The following ADAMTS19 variants were observed in gnomAD, a reference collection of about 807,000 sequenced individuals.
The protein encoded by ADAMTS19 is A disintegrin and metalloproteinase with thrombospondin motifs 19.
A neutral mutation model predicts 153.3 loss-of-function variants in ADAMTS19; 93 were observed. The ratio of observed to expected loss-of-function variants is 0.61; its 90% CI spans 0.51 to 0.72. ADAMTS19 has a LOEUF of 0.72. Ranked by LOEUF, ADAMTS19 falls within the 30% of genes least tolerant of loss-of-function variation. The pLI, the probability that ADAMTS19 is intolerant of heterozygous loss-of-function variation, is 0.00. For synonymous variants in ADAMTS19, 600 were observed against 556.6 expected (o/e 1.08, Z -1.10); for missense variants, 1,482 against 1,552.1 (o/e 0.95, Z 0.76).
chr5:129,684,919 G>A lies in ADAMTS19; in HGVS notation c.2818+646G>A, dbSNP rs529815712. ...GGAGAATGGCATGAACCTGGGAGAC[G>A]GGGCTTGCAGTGAGCCAAGATCCTG... On this transcript the variant is annotated intron_variant, in intron 18 of 22. Coordinates refer to ENST00000274487, the MANE Select transcript of ADAMTS19 (RefSeq NM_133638.6). Among the ~76,000 whole-genome samples, 8 of 151,992 alleles carry A rather than the reference G, an allele frequency of 5.3e-5. 1 individual carries two copies. The South Asian group carries it at 8.3e-4, about 16-fold the overall frequency.
chr5:129,468,494 C>G (rs1351779111), intron 2 of ADAMTS19, among the ~76,000 whole-genome samples: 1 of 151,986 alleles, frequency 6.6e-6, no homozygotes, highest in Non-Finnish European at 1.5e-5. Flanking sequence ...GCTGGGACTA[C>G]AGGCGCGCAC....
chr5:129,641,154 A>G (rs1316988642), intron 10 of ADAMTS19, among the ~76,000 whole-genome samples: 3 of 152,168 alleles, frequency 2.0e-5, no homozygotes, highest in Non-Finnish European at 4.4e-5. Flanking sequence ...GCTGACCACA[A>G]TTATAGCTGT....
chr5:129,477,775 C>T (rs1232905131), intron 2 of ADAMTS19, among the ~76,000 whole-genome samples: 4 of 152,154 alleles, frequency 2.6e-5, no homozygotes, highest in Non-Finnish European at 5.9e-5. Flanking sequence ...TACATGTTCA[C>T]GTTCTGAACC....
intron 6 of ADAMTS19, among the ~76,000 whole-genome samples, chr5:129,543,267 G>C (rs1026519940): frequency 5.3e-5 from 8 of 151,792 alleles, no homozygotes; most frequent in African/African-American, 1.5e-4. Context: ...GGTCAGGCTG[G>C]TCTCGAACTC....
chr5:129,682,252 C>G (rs1372893642), intron 17 of ADAMTS19, among the ~76,000 whole-genome samples: 1 of 152,182 alleles, frequency 6.6e-6, no homozygotes, highest in East Asian at 1.9e-4. Context: ...AACTGCACTT[C>G]TAAGATATTT....
At chr5:129,637,727 C>T (rs555775622) in intron 10 of ADAMTS19, among the ~76,000 whole-genome samples, 2 of 152,212 alleles carry the variant, frequency 1.3e-5, no homozygotes. Context: ...TGCCTATGAT[C>T]CCAGCTACTT....
At chr5:129,603,256 T>C (rs1023537931) in intron 8 of ADAMTS19, among the ~76,000 whole-genome samples, 11 of 152,280 alleles carry the variant, frequency 7.2e-5, no homozygotes, top group African/African-American at 2.6e-4. Flanking sequence ...GGAAGTTGCG[T>C]GTGAGTTGCC....
At chr5:129,637,535 A>G (rs1351242840) in intron 10 of ADAMTS19, among the ~76,000 whole-genome samples, 2 of 152,126 alleles carry the variant, frequency 1.3e-5, no homozygotes, top group Non-Finnish European at 2.9e-5. Flanking sequence ...TCCTCAGCAA[A>G]CTAACACGGG....
At chr5:129,565,327 C>T (rs890354934) in intron 7 of ADAMTS19, among the ~76,000 whole-genome samples, 13 of 152,300 alleles carry the variant, frequency 8.5e-5, no homozygotes, top group Admixed American at 6.5e-4. Flanking sequence ...TGGTCTGGGT[C>T]TCAGATATAT....
intron 3 of ADAMTS19, among the ~76,000 whole-genome samples, chr5:129,511,789 C>T (rs776102750): frequency 6.6e-6 from 1 of 151,878 alleles, no homozygotes; most frequent in African/African-American, 2.4e-5. Flanking sequence ...GGGAAGTTTA[C>T]TTTCTCTCTC....
intron 15 of ADAMTS19, among the ~76,000 whole-genome samples, chr5:129,661,371 A>G (rs904516910): frequency 6.6e-5 from 10 of 152,230 alleles, no homozygotes; most frequent in African/African-American, 1.7e-4. Context: ...ATTCTGCATG[A>G]GTTATTAATT....
chr5:129,553,936 G>C (rs1449242546), intron 7 of ADAMTS19, among the ~76,000 whole-genome samples: 1 of 151,988 alleles, frequency 6.6e-6, no homozygotes. Context: ...ACCACTTGTG[G>C]TTCAAAAATA....
intron 5 of ADAMTS19, 107 bp from the exon 6 acceptor site, chr5:129,528,413 C>T: frequency 1.2e-6 from 1 of 816,558 alleles, no homozygotes. Flanking sequence ...TTATGGTCAG[C>T]AGTTTGCTTT....
Position 129,589,222 on chromosome 5 carries a change from T to A in ADAMTS19, c.1373-7337T>A, listed in dbSNP as rs1027990764. 8.6e-5 allele frequency among the ~76,000 whole-genome samples: 13 copies of A among 151,788 alleles called. No individual in the cohort carries two copies. The South Asian group carries it at 1.0e-3, about 12-fold the overall frequency. The stretch of plus-strand genomic sequence containing the variant: ...TATTATTACTATCACTGTTTTTTTT[T>A]AATTGAGAATGTTTATGAAGATTTT... On this transcript the variant is annotated intron_variant, in intron 7 of 22. Coordinates refer to ENST00000274487, the MANE Select transcript of ADAMTS19 (RefSeq NM_133638.6).
intron 21 of ADAMTS19, among the ~76,000 whole-genome samples, chr5:129,720,581 G>A (rs1441651085): frequency 6.6e-6 from 1 of 152,172 alleles, no homozygotes; most frequent in African/African-American, 2.4e-5. Flanking sequence ...GTTTATGCAA[G>A]TTAAATACAG....
At chr5:129,717,323 T>G (rs946654980) in intron 21 of ADAMTS19, among the ~76,000 whole-genome samples, 2 of 152,142 alleles carry the variant, frequency 1.3e-5, no homozygotes, top group Non-Finnish European at 2.9e-5. Context: ...TTTAAAATTT[T>G]TGGGGGGTAC....
intron 7 of ADAMTS19, among the ~76,000 whole-genome samples, chr5:129,578,098 ATATACATATGCATGTATATGTACG>A (rs1749274988): frequency 1.4e-4 from 6 of 43,644 alleles, no homozygotes; most frequent in African/African-American, 1.9e-4. Context: ...ATATACATAC[ATATACATATGCATGTATATGTACG>A]TATACGTACA....
chr5:129,586,321 C>A (rs1749799305), intron 7 of ADAMTS19, among the ~76,000 whole-genome samples: 1 of 152,148 alleles, frequency 6.6e-6, no homozygotes, highest in Admixed American at 6.5e-5. Flanking sequence ...CTGTGTTCCA[C>A]CTATTTATTC....
chr5:129,681,470 A>G (rs1754807620), intron 17 of ADAMTS19, among the ~76,000 whole-genome samples: 1 of 152,212 alleles, frequency 6.6e-6, no homozygotes, highest in East Asian at 1.9e-4. Flanking sequence ...ACACTATCCA[A>G]AAGTGCTTTA....
Sources: gnomAD v4.1 joint callset for allele counts (sites outside exome capture counted in the v4.1 genomes callset) on GRCh38, gnomAD v4.1.1 for gene constraint, MANE v1.5 for transcripts, NCBI Gene and HGNC (gene_info 2026-07-23, HGNC 2026-07-21) for gene names.